The following SCRN1 variants were observed in gnomAD, a reference collection of about 807,000 sequenced individuals.
The protein encoded by SCRN1 is secernin 1.
SCRN1 carries 19 observed loss-of-function variants against 43.3 expected under a neutral mutation model. The observed-to-expected ratio is 0.44, with a 90% confidence interval of 0.31 to 0.64. The LOEUF (loss-of-function observed/expected upper bound fraction) is 0.64, where lower values mean the gene tolerates loss of function less well. SCRN1 is among the 30% of genes least tolerant of loss of function. The pLI, the probability that SCRN1 is intolerant of heterozygous loss-of-function variation, is 0.09. For synonymous variants in SCRN1, 183 were observed against 188.9 expected (o/e 0.97, Z 0.26); for missense variants, 447 against 524.1 (o/e 0.85, Z 1.44).
intron 6 of SCRN1, among the ~76,000 whole-genome samples, chr7:29,931,377 G>A (rs1275353471): frequency 1.3e-5 from 2 of 152,222 alleles, no homozygotes; most frequent in Non-Finnish European, 2.9e-5. Context: ...GGATACAGCA[G>A]TGAACAAAGA....
Position 29,984,204 on chromosome 7 carries a change from CAA to C in SCRN1, c.-2+5436_-2+5437del, listed in dbSNP as rs55733700. 1.3e-3 allele frequency among the ~76,000 whole-genome samples: 131 copies of C among 98,248 alleles called. 1 individual carries two copies. The highest frequency in any genetic ancestry group is 5.9e-3 in the East Asian group (17 of 2,900). The allele number at this position is 98,248 out of a possible 152,430, so 64.5% of individuals were successfully genotyped here. A position where few individuals can be genotyped will look rare whatever the true frequency, so the allele number is the denominator to read the frequency against. ...CTGGGCGACAGAGTGAGACAGTCTCCAAAAAAAAAAAAAAAAAAAAAGAAATC... is the reference window on the plus strand; with the variant it reads ...CTGGGCGACAGAGTGAGACAGTCTCCAAAAAAAAAAAAAAAAAAAGAAATC... On this transcript the variant is annotated intron_variant, in intron 1 of 7. Transcript: ENST00000242059.
chr7:29,926,747 T>G, intron 6 of SCRN1, 115 bp from the exon 7 acceptor site: 2 of 714,314 alleles, frequency 2.8e-6, no homozygotes, highest in Non-Finnish European at 2.2e-6. Flanking sequence ...GGGTGGTGGG[T>G]GTGGGTGACG....
At chr7:29,932,434 C>G (rs1787186327) in intron 6 of SCRN1, among the ~76,000 whole-genome samples, 1 of 152,004 alleles carries the variant, frequency 6.6e-6, no homozygotes, top group Non-Finnish European at 1.5e-5. Context: ...AGGCAGATCA[C>G]CTGAGGTCAG....
chr7:29,924,188 T>G, intron 7 of SCRN1, 73 bp from the exon 8 acceptor site: 9 of 1,483,080 alleles, frequency 6.1e-6, no homozygotes, highest in African/African-American at 1.4e-5. Context: ...TGAAACCCTC[T>G]AGGGGGCCAG....
chr7:29,990,160 C>T (rs753568214), upstream of SCRN1: 379 of 1,551,458 alleles, frequency 2.4e-4, no homozygotes, highest in Non-Finnish European at 3.0e-4. Flanking sequence ...AAGATTTCCC[C>T]GGAGAGAAAT....
intron 6 of SCRN1, among the ~76,000 whole-genome samples, chr7:29,933,801 GA>G: frequency 6.6e-6 from 1 of 152,334 alleles, no homozygotes; most frequent in African/African-American, 2.4e-5. Context: ...AATACAGTGA[GA>G]AAAGGACAGA....
chr7:29,934,207 C>T (rs1052508501), intron 6 of SCRN1, among the ~76,000 whole-genome samples: 12 of 152,182 alleles, frequency 7.9e-5, no homozygotes, highest in African/African-American at 2.9e-4. Context: ...ATTAATTTAA[C>T]CATGAATAAT....
At chr7:29,972,561 A>G (rs1029742618) in intron 1 of SCRN1, among the ~76,000 whole-genome samples, 3 of 152,210 alleles carry the variant, frequency 2.0e-5, no homozygotes, top group African/African-American at 7.2e-5. Context: ...CTTTTCCACT[A>G]AATTTTGTGA....
chr7:29,990,173 G>A, upstream of SCRN1: 1 of 1,551,602 alleles, frequency 6.4e-7, no homozygotes, highest in Non-Finnish European at 8.7e-7. Flanking sequence ...AGAGAAATGT[G>A]TCCTGTACCT....
chr7:29,969,356 G>A (rs771480921), intron 1 of SCRN1: 1 of 417,446 alleles, frequency 2.4e-6, no homozygotes, highest in Non-Finnish European at 4.4e-6. Context: ...AGGAAAGGAG[G>A]TTATTGTTCT....
At chr7:29,987,558 T>C (rs971288658) in intron 1 of SCRN1, among the ~76,000 whole-genome samples, 8 of 152,222 alleles carry the variant, frequency 5.3e-5, no homozygotes, top group Admixed American at 2.0e-4. Flanking sequence ...ATAGAAACAG[T>C]TTCACCACTG....
rs961004062 is a variant in SCRN1 at position 29,965,887 on chromosome 7, T to A, written c.159+3022A>T. Reference sequence around the variant, plus strand: ...CCTATCCTCCAAAAAAGAAAACAAATTTTTTTGAAATATTTATTTCAGACA... The same window carrying A: ...CCTATCCTCCAAAAAAGAAAACAAAATTTTTTGAAATATTTATTTCAGACA... On this transcript the variant is annotated intron_variant, in intron 2 of 7. Transcript: ENST00000242059. The surrounding 1 kb of genome is among the most constrained non-coding windows in gnomAD (Gnocchi z 4.2). Among the ~76,000 whole-genome samples, 1 of 152,000 alleles carries A rather than the reference T, an allele frequency of 6.6e-6. No homozygotes were observed. The highest frequency in any genetic ancestry group is 1.5e-5 in the Non-Finnish European group (1 of 68,010).
intron 3 of SCRN1, among the ~76,000 whole-genome samples, chr7:29,952,739 T>C (rs1171781262): frequency 6.6e-6 from 1 of 152,070 alleles, no homozygotes; most frequent in Non-Finnish European, 1.5e-5. Flanking sequence ...TGAGTTACTT[T>C]TAGGATTTGG....
intron 1 of SCRN1, among the ~76,000 whole-genome samples, chr7:29,987,419 T>A (rs1032411495): frequency 1.8e-4 from 27 of 152,260 alleles, no homozygotes; most frequent in African/African-American, 6.3e-4. Context: ...ATGCATGGCC[T>A]ACTTTGGTTC....
intron 1 of SCRN1, among the ~76,000 whole-genome samples, chr7:29,982,243 T>C (rs902886857): frequency 4.6e-5 from 7 of 152,204 alleles, no homozygotes; most frequent in South Asian, 2.1e-4. Context: ...AATTGTATGT[T>C]AGAACATTAA....
intron 3 of SCRN1, among the ~76,000 whole-genome samples, chr7:29,948,978 TGAGGCCCA>T (rs1280932068): frequency 6.6e-6 from 1 of 152,166 alleles, no homozygotes; most frequent in Non-Finnish European, 1.5e-5. Context: ...TCATCCATGT[TGAGGCCCA>T]GAGGCATTAT....
chr7:29,934,592 G>A (rs773039357), intron 6 of SCRN1, among the ~76,000 whole-genome samples: 1 of 152,208 alleles, frequency 6.6e-6, no homozygotes, highest in Non-Finnish European at 1.5e-5. Flanking sequence ...AGCAAACTAG[G>A]TCACAGTCCA....
At chr7:29,969,683 C>A in intron 1 of SCRN1, 6 of 393,396 alleles carry the variant, frequency 1.5e-5, no homozygotes, top group Admixed American at 5.5e-5. Context: ...ATCCTCACTG[C>A]TTCATCCTTC....
chr7:29,936,622 G>C lies in SCRN1; in HGVS notation c.839C>G (p.Ser280Cys), dbSNP rs1337126532. 6.2e-7 allele frequency: 1 copy of C among 1,608,138 alleles called. No individual in the cohort carries two copies. The highest frequency in any genetic ancestry group is 1.7e-5 in the Admixed American group (1 of 59,886). ...AGAGCTTCTATTCTGCGGCAGGACA[G>C]ACACTCCACTGGCTGTGGTGAGGAA... ...EFFLTTASGV[S>C]VLPQNRSSPC... is the part of the protein sequence containing the mutation. The change falls in exon 6 of 8, where the codon TCT (serine) becomes TGT (cysteine). Residue 280 changes from serine to cysteine, a missense_variant. Ser to Cys is a moderately radical substitution (Grantham distance 112). Transcript: ENST00000242059.
Sources: allele counts gnomAD v4.1 joint callset (sites outside exome capture counted in the v4.1 genomes callset), GRCh38; gene constraint gnomAD v4.1.1; non-coding constraint Gnocchi (gnomAD v3.1); transcripts MANE v1.5; gene names NCBI Gene and HGNC (gene_info 2026-07-23, HGNC 2026-07-21).